The following TBCD variants were observed in gnomAD, a reference collection of about 807,000 sequenced individuals.
TBCD encodes tubulin folding cofactor D.
Under a neutral mutation model 169.3 loss-of-function variants are expected in TBCD, and 105 were observed. The observed-to-expected ratio is 0.62, with a 90% CI of 0.53 to 0.73. TBCD has a LOEUF of 0.73. Among genes scored for constraint, TBCD ranks in the 30% least tolerant of loss-of-function variants. The pLI is 0.00. For synonymous variants in TBCD, 700 were observed against 643.9 expected, an observed-to-expected ratio of 1.09 and a Z score of -1.32; for missense variants, 1,444 against 1,600.1, an observed-to-expected ratio of 0.90 and a Z score of 1.66.
At chr17:82,938,239 C>A in intron 36 of TBCD, 103 bp downstream of exon 36, 2 of 1,333,730 alleles carry the variant, frequency 1.5e-6, no homozygotes, top group East Asian at 2.5e-5. Flanking sequence ...GCTTTCCAGC[C>A]GAGCCCCTCT....
At chr17:82,828,936 G>T (rs2053211253) in intron 13 of TBCD, among the ~76,000 whole-genome samples, 1 of 149,874 alleles carries the variant, frequency 6.7e-6, no homozygotes, top group African/African-American at 2.5e-5. Flanking sequence ...AGTCGAGTGT[G>T]CATGCCCCCC....
rs777568715 is a variant in TBCD, at chr17:82,930,523, T to G, written c.2993T>G (p.Ile998Ser). 15 of 1,612,790 alleles carry G rather than the reference T, an allele frequency of 9.3e-6. No homozygotes were observed. Among genetic ancestry groups the G allele is most frequent in the African/African-American group, 1.3e-5 (1 of 74,896 alleles). Residue 998 changes from isoleucine to serine, a missense_variant and splice_region_variant, in exon 33 of 39, where the codon ATC (isoleucine) becomes AGC (serine). Physicochemically the swap from Ile to Ser is moderately radical, Grantham distance 142. Coordinates refer to ENST00000355528, the MANE Select transcript of TBCD (RefSeq NM_005993.5). The surrounding 1 kb of genome is among the most constrained non-coding windows in gnomAD (Gnocchi z 5.2). ...TTCTGAGGTGTCTCCGTGTTGCAGA[T>G]CCGGCACTCCACCCAGAGCCTCTTT... ...VSLGGLTEST[I>S]RHSTQSLFEY... is the part of the protein sequence containing the mutation.
Position 82,831,497 on chromosome 17 carries a change from C to T in TBCD, c.1318+16563C>T, listed in dbSNP as rs192308712. 38 of 1,613,984 alleles carry T rather than the reference C, an allele frequency of 2.4e-5. No individual in the cohort carries two copies. Among genetic ancestry groups the T allele is most frequent in the Admixed American group, 1.3e-4 (8 of 59,996 alleles). On this transcript the variant is annotated intron_variant, in intron 13 of 38. Coordinates refer to ENST00000355528, the MANE Select transcript of TBCD (RefSeq NM_005993.5). The surrounding 1 kb of genome is among the most constrained non-coding windows in gnomAD (Gnocchi z 4.6). Reference sequence around the variant, plus strand: ...AATGCAGACTCTGGCCTGTAAAATCCGTAAGGAATCGGCAGGTTAGAGGGA... The same window carrying T: ...AATGCAGACTCTGGCCTGTAAAATCTGTAAGGAATCGGCAGGTTAGAGGGA...
At chr17:82,881,121 C>A (rs543041116) in intron 14 of TBCD, among the ~76,000 whole-genome samples, 27 of 152,264 alleles carry the variant, frequency 1.8e-4, no homozygotes, top group Admixed American at 1.4e-3. Context: ...CGTCTGTTTG[C>A]AAGGCTGGCT....
chr17:82,937,759 C>T (rs1050857648), intron 35 of TBCD: 2 of 1,057,538 alleles, frequency 1.9e-6, no homozygotes, highest in African/African-American at 1.6e-5. Context: ...ACCTTGGCTG[C>T]TCTGTGGCTC....
chr17:82,760,525 C>A (rs939702551), intron 2 of TBCD, among the ~76,000 whole-genome samples: 1 of 152,042 alleles, frequency 6.6e-6, no homozygotes, highest in South Asian at 2.1e-4. Context: ...GTTATGTGTT[C>A]TAACTAGTTA....
intron 5 of TBCD, among the ~76,000 whole-genome samples, chr17:82,770,647 G>T (rs1386410906): frequency 6.6e-6 from 1 of 151,312 alleles, no homozygotes; most frequent in Admixed American, 6.6e-5. Context: ...TTGTTTACTT[G>T]TCTGTGGAGA....
chr17:82,907,863 A>G (rs1271094844), intron 21 of TBCD, 42 bp downstream of exon 21: 1 of 1,598,316 alleles, frequency 6.3e-7, no homozygotes, highest in African/African-American at 1.3e-5. Flanking sequence ...GAGGCATCAC[A>G]GGACCTGCCC....
In TBCD at chr17:82,756,174, A is replaced by G. The variant is rs1323602692; in HGVS notation, c.194A>G (p.Asp65Gly). 1 of 1,609,078 alleles carries G rather than the reference A, an allele frequency of 6.2e-7. No individual in the cohort carries two copies. The highest frequency in any genetic ancestry group is 8.5e-7 in the Non-Finnish European group (1 of 1,177,510). The change falls in exon 2 of 39, where the codon GAC (aspartate) becomes GGC (glycine). Residue 65 changes from aspartate to glycine, a missense_variant. Coordinates refer to ENST00000355528, the MANE Select transcript of TBCD (RefSeq NM_005993.5). ...TTATATTTGTTTTTAGTAATAATGG[A>G]CAAATACCAGGAGCAGCCTCATCTG... is the stretch of plus-strand genomic sequence containing the variant. ...VALERFRVIMDKYQEQPHLLD... is the reference protein window; with the variant it reads ...VALERFRVIMGKYQEQPHLLD...
intron 13 of TBCD, chr17:82,858,525 G>C: frequency 1.0e-6 from 1 of 973,470 alleles, no homozygotes; most frequent in Non-Finnish European, 1.2e-6. Context: ...GAGGATCCCA[G>C]TTGACTTGAA....
chr17:82,865,882 G>T (rs9894705), intron 13 of TBCD, among the ~76,000 whole-genome samples: 37,901 of 151,968 alleles, frequency 0.25, 4,895 homozygotes, highest in East Asian at 0.45. Context: ...GGCAATTGGC[G>T]TTCAACAAAT....
At chr17:82,826,109 C>T (rs2052820310) in intron 13 of TBCD, among the ~76,000 whole-genome samples, 1 of 152,154 alleles carries the variant, frequency 6.6e-6, no homozygotes, top group South Asian at 2.1e-4. Context: ...CTTTATTGAT[C>T]TATCATTTAT....
Position 82,942,438 on chromosome 17 carries a change from C to T in TBCD, c.3565-11C>T. The T allele has an allele frequency of 1.9e-6, 3 of 1,613,650 alleles. No homozygotes were observed. Among genetic ancestry groups the T allele is most frequent in the Non-Finnish European group, 2.5e-6 (3 of 1,179,594 alleles). On this transcript the variant is annotated splice_polypyrimidine_tract_variant and intron_variant, in intron 38 of 38. Transcript: ENST00000355528. ...GCTGACCAGCCTGAGCTTGTCTTGTCTCTTCTTCAGCCTGGTGCCTGCTGA... is the reference window on the plus strand; with the variant it reads ...GCTGACCAGCCTGAGCTTGTCTTGTTTCTTCTTCAGCCTGGTGCCTGCTGA...
chr17:82,796,629 C>T (rs2050125515), intron 7 of TBCD, among the ~76,000 whole-genome samples: 1 of 152,152 alleles, frequency 6.6e-6, no homozygotes, highest in South Asian at 2.1e-4. Flanking sequence ...GTCTGGCTGT[C>T]TCCTTCCTGT....
chr17:82,850,018 C>CTGTTGTTGGCTGTGT (rs1567886833), intron 13 of TBCD, among the ~76,000 whole-genome samples: 82 of 126,962 alleles, frequency 6.5e-4, no homozygotes, highest in African/African-American at 2.3e-3. Flanking sequence ...GTTGGCTGTG[C>CTGTTGTTGGCTGTGT]TGTTGTTGGC....
At position 82,838,259 on chromosome 17, in the gene TBCD, A is replaced by G. The variant is rs559014495; in HGVS notation, c.1318+23325A>G. Among the ~76,000 whole-genome samples the G allele has an allele frequency of 2.0e-5, 3 of 152,284 alleles. No individual in the cohort carries two copies. The South Asian group carries it at 6.2e-4, about 32-fold the overall frequency. On this transcript the variant is annotated intron_variant, in intron 13 of 38. Transcript: ENST00000355528. ...TAATGCAGCAGACAGTTGTTAGGGT[A>G]ATAGTGAGAAGTTGGGATGCTTAAC...
At position 82,915,674 on chromosome 17, in the gene TBCD, G is replaced by A. The variant is rs1254341277; in HGVS notation, c.2038+3885G>A. ...AGGTGTTTTTTTATCCTGCTCACAT[G>A]TGGATCACCGAGGGCAGGGGCCGGG... On this transcript the variant is annotated intron_variant, in intron 23 of 38. Coordinates refer to ENST00000355528, the MANE Select transcript of TBCD (RefSeq NM_005993.5). This position sits in a 1 kb window ranked among gnomAD's most constrained non-coding sequence, Gnocchi z 4.3. Among the ~76,000 whole-genome samples, 1 of 152,192 alleles carries A rather than the reference G, an allele frequency of 6.6e-6. No individual in the cohort carries two copies. The highest frequency in any genetic ancestry group is 1.5e-5 in the Non-Finnish European group (1 of 68,032).
intron 13 of TBCD, among the ~76,000 whole-genome samples, chr17:82,834,130 T>C (rs537545831): frequency 6.6e-6 from 1 of 152,298 alleles, no homozygotes; most frequent in South Asian, 2.1e-4. Context: ...GTATTTTTAG[T>C]AGAGACGGGG....
rs770563604 is a variant in TBCD, at chr17:82,903,507, G to A, written c.1804+29G>A. ...GGTGTGTGTCCCGGCCGGCCTGCGG[G>A]CACCATGCATGCACTGCAGAAAGGC... On this transcript the variant is annotated intron_variant, in intron 19 of 38. Coordinates refer to ENST00000355528, the MANE Select transcript of TBCD (RefSeq NM_005993.5). The surrounding 1 kb of genome is among the most constrained non-coding windows in gnomAD (Gnocchi z 4.8). 3 of 1,569,544 alleles carry A rather than the reference G, an allele frequency of 1.9e-6. No individual in the cohort carries two copies. The highest frequency in any genetic ancestry group is 2.4e-5 in the East Asian group (1 of 42,322).
Sources: allele counts gnomAD v4.1 joint callset (sites outside exome capture counted in the v4.1 genomes callset), GRCh38; gene constraint gnomAD v4.1.1; non-coding constraint Gnocchi (gnomAD v3.1); transcripts MANE v1.5; gene names NCBI Gene and HGNC (gene_info 2026-07-23, HGNC 2026-07-21).